TRAPPC9: variants seen among roughly 807,000 people sequenced by gnomAD.
TRAPPC9 encodes the protein IKK2 binding protein.
A neutral mutation model predicts 124.0 loss-of-function variants in TRAPPC9; 83 were observed. The ratio of observed to expected loss-of-function variants is 0.67; its 90% CI spans 0.56 to 0.80. TRAPPC9 has a LOEUF of 0.80. TRAPPC9 is among the 30% of genes least tolerant of loss of function. The probability of loss-of-function intolerance (pLI) is 0.00; values close to 1 mark genes in which losing one functional copy is unlikely to be tolerated. For synonymous variants in TRAPPC9, 638 were observed against 617.5 expected (o/e 1.03, Z -0.49); for missense variants, 1,302 against 1,508.3 (o/e 0.86, Z 2.27).
intron 21 of TRAPPC9, among the ~76,000 whole-genome samples, chr8:139,799,846 T>G (rs867594679): frequency 2.0e-5 from 3 of 152,174 alleles, no homozygotes; most frequent in African/African-American, 7.2e-5. Flanking sequence ...GTGCCGAGCA[T>G]GGGGCCACTG....
chr8:140,090,146 C>T (rs1844468274), intron 17 of TRAPPC9, among the ~76,000 whole-genome samples: 1 of 152,174 alleles, frequency 6.6e-6, no homozygotes, highest in African/African-American at 2.4e-5. Context: ...TCAAATACAA[C>T]TGTGACTATG....
intron 17 of TRAPPC9, among the ~76,000 whole-genome samples, chr8:140,042,200 AGTGTATGTGT>A (rs1194498901): frequency 1.1e-5 from 1 of 90,826 alleles, no homozygotes; most frequent in African/African-American, 4.9e-5. Flanking sequence ...AGCCCAAAAA[AGTGTATGTGT>A]GTGTGTGTGT....
At position 140,404,818 on chromosome 8, in the gene TRAPPC9, G is replaced by A. The variant is rs540278166; in HGVS notation, c.1008+759C>T. 4.6e-5 allele frequency among the ~76,000 whole-genome samples: 7 copies of A among 152,190 alleles called. No homozygotes were observed. In the South Asian group the frequency reaches 8.3e-4, roughly 18 times the overall value. On this transcript the variant is annotated intron_variant, in intron 6 of 22. Coordinates refer to ENST00000438773, the MANE Select transcript of TRAPPC9 (RefSeq NM_001160372.4). Reference sequence around the variant, plus strand: ...TATGTGTGTGTGAACATGTGTGTATGTGCATGTGTGTGAGCATGCGTGTGT... The same window carrying A: ...TATGTGTGTGTGAACATGTGTGTATATGCATGTGTGTGAGCATGCGTGTGT...
chr8:140,280,452 A>C (rs551418668), intron 14 of TRAPPC9, among the ~76,000 whole-genome samples: 1 of 152,254 alleles, frequency 6.6e-6, no homozygotes, highest in South Asian at 2.1e-4. Flanking sequence ...TTTGAGACAA[A>C]GTCTCGCTCT....
intron 21 of TRAPPC9, among the ~76,000 whole-genome samples, chr8:139,759,518 C>T (rs1267717358): frequency 2.0e-5 from 3 of 152,106 alleles, no homozygotes; most frequent in Admixed American, 6.5e-5. Flanking sequence ...AATTCAAAGG[C>T]CCGGAAAGAT....
intron 20 of TRAPPC9, among the ~76,000 whole-genome samples, chr8:139,892,663 C>A (rs1830420688): frequency 6.6e-6 from 1 of 152,186 alleles, no homozygotes; most frequent in African/African-American, 2.4e-5. Context: ...TTCCAGGGCT[C>A]CTAAGGTTGC....
chr8:140,238,583 T>C (rs2063779609), intron 16 of TRAPPC9: 1 of 152,218 alleles, frequency 6.6e-6, no homozygotes, highest in Admixed American at 6.5e-5. Flanking sequence ...TTAACCTTTT[T>C]CCTTCAGAAC....
chr8:139,874,351 G>A (rs1023325154), intron 21 of TRAPPC9, among the ~76,000 whole-genome samples: 10 of 152,326 alleles, frequency 6.6e-5, no homozygotes, highest in African/African-American at 2.4e-4. Context: ...AACCCTTACT[G>A]AGCACCCGCA....
At chr8:139,885,803 C>A in intron 21 of TRAPPC9, 76 bp downstream of exon 21, 1 of 1,442,782 alleles carries the variant, frequency 6.9e-7, no homozygotes, top group Non-Finnish European at 9.5e-7. Flanking sequence ...AGCCACACCC[C>A]CCAAGACCTT....
At chr8:139,949,612 T>A (rs79886877) in intron 19 of TRAPPC9, among the ~76,000 whole-genome samples, 3,332 of 152,318 alleles carry the variant, frequency 0.022, 116 homozygotes, top group African/African-American at 0.076. Context: ...TAGACCCTGA[T>A]TACATTACAT....
At chr8:140,278,561 G>T (rs1349865857) in intron 14 of TRAPPC9, among the ~76,000 whole-genome samples, 3 of 152,214 alleles carry the variant, frequency 2.0e-5, no homozygotes, top group Non-Finnish European at 4.4e-5. Flanking sequence ...AGTCAAGATG[G>T]GCCTGGGACA....
chr8:139,851,612 A>G (rs951483918), intron 21 of TRAPPC9, among the ~76,000 whole-genome samples: 2 of 152,194 alleles, frequency 1.3e-5, no homozygotes, highest in Non-Finnish European at 1.5e-5. Flanking sequence ...TAACACGAGA[A>G]CACAGCCTGG....
At chr8:140,344,498 C>T (rs543141707) in intron 9 of TRAPPC9, among the ~76,000 whole-genome samples, 9 of 152,084 alleles carry the variant, frequency 5.9e-5, no homozygotes, top group South Asian at 2.1e-4. Context: ...GACGGTGGCA[C>T]GCCTGCCCTC....
At chr8:140,314,819 C>T (rs1340988958) in intron 9 of TRAPPC9, among the ~76,000 whole-genome samples, 1 of 152,220 alleles carries the variant, frequency 6.6e-6, no homozygotes, top group Admixed American at 6.5e-5. Flanking sequence ...ATCTATATCA[C>T]ATTTTCTTTA....
chr8:139,746,104 G>A (rs1035580548), intron 21 of TRAPPC9, among the ~76,000 whole-genome samples: 7 of 152,242 alleles, frequency 4.6e-5, no homozygotes, highest in African/African-American at 1.7e-4. Flanking sequence ...AGTGCCCCTT[G>A]CCCTCTGTGC....
chr8:140,456,943 T>C (rs1252074705), intron 1 of TRAPPC9: 3 of 488,454 alleles, frequency 6.1e-6, no homozygotes, highest in Non-Finnish European at 8.0e-6. Flanking sequence ...GGGATTGGGG[T>C]GGGCTGACAG....
At chr8:139,932,606 C>CA (rs1286243127) in intron 19 of TRAPPC9, 17 of 427,340 alleles carry the variant, frequency 4.0e-5, no homozygotes, top group African/African-American at 1.4e-4. Flanking sequence ...TACTAATTTA[C>CA]AAAAAAAATT....
At position 140,088,867 on chromosome 8, in the gene TRAPPC9, G is replaced by A. The variant is rs973923520; in HGVS notation, c.2557-64788C>T. On this transcript the variant is annotated intron_variant, in intron 17 of 22. Transcript: ENST00000438773. ...TTATTTAAAAGAGCAAGTAGAGTAC[G>A]ATCCACTTTTAGGGGAAATAACTTC... 3.3e-5 allele frequency among the ~76,000 whole-genome samples: 5 copies of A among 152,226 alleles called. No individual in the cohort carries two copies. In the South Asian group the frequency reaches 6.2e-4, roughly 19 times the overall value.
intron 17 of TRAPPC9, among the ~76,000 whole-genome samples, chr8:140,146,879 AG>A (rs34137185): frequency 6.6e-6 from 1 of 151,474 alleles, no homozygotes; most frequent in Admixed American, 6.6e-5. Flanking sequence ...AAAAAAAAAA[AG>A]GCAGGGAAAA....
Sources: gnomAD v4.1 joint callset for allele counts (sites outside exome capture counted in the v4.1 genomes callset) on GRCh38, gnomAD v4.1.1 for gene constraint, MANE v1.5 for transcripts, NCBI Gene and HGNC (gene_info 2026-07-23, HGNC 2026-07-21) for gene names.